The following ZNF451 variants were observed in gnomAD, a reference collection of about 807,000 sequenced individuals.
ZNF451 encodes zinc finger protein 451.
In ZNF451, 80 loss-of-function variants were observed where a neutral mutation model predicts 107.1. The observed-to-expected ratio is 0.75, with a 90% CI of 0.62 to 0.90. ZNF451 has a LOEUF of 0.90. Ranked by LOEUF, ZNF451 falls within the 40% of genes least tolerant of loss-of-function variation. The pLI, the probability that ZNF451 is intolerant of heterozygous loss-of-function variation, is 0.00. For missense variants in ZNF451, 1,107 were observed against 1,236.2 expected, an observed-to-expected ratio of 0.90 and a Z score of 1.57; for synonymous variants, 362 against 406.5, an observed-to-expected ratio of 0.89 and a Z score of 1.32.
At chr6:57,149,098 C>A (rs1306892049) in intron 10 of ZNF451, among the ~76,000 whole-genome samples, 3 of 151,918 alleles carry the variant, frequency 2.0e-5, no homozygotes, top group Non-Finnish European at 4.4e-5. Flanking sequence ...TGGCCATATT[C>A]TTTAGTGTGA....
At chr6:57,139,631 T>A (rs1166493070) in intron 7 of ZNF451, among the ~76,000 whole-genome samples, 1 of 152,190 alleles carries the variant, frequency 6.6e-6, no homozygotes, top group Non-Finnish European at 1.5e-5. Context: ...CAAATATACA[T>A]ACACTTATAA....
intron 3 of ZNF451, among the ~76,000 whole-genome samples, chr6:57,112,958 A>G (rs1003297986): frequency 1.3e-5 from 2 of 152,110 alleles, no homozygotes; most frequent in Non-Finnish European, 2.9e-5. Context: ...TTATAAAATA[A>G]TTTCTTCTAT....
intron 13 of ZNF451, 158 bp downstream of exon 13, chr6:57,154,205 A>G: frequency 1.4e-6 from 1 of 710,424 alleles, no homozygotes; most frequent in Non-Finnish European, 2.3e-6. Context: ...AAAAAATCTC[A>G]CTTTCATTCT....
At chr6:57,138,268 T>TG (rs1235295201) in intron 7 of ZNF451, among the ~76,000 whole-genome samples, 2 of 145,498 alleles carry the variant, frequency 1.4e-5, no homozygotes, top group Non-Finnish European at 3.0e-5. Flanking sequence ...GGTTCTGCCT[T>TG]TTTTTTTTTT....
At chr6:57,168,357 TAAATA>T in intron 14 of ZNF451, 61 bp from the exon 15 acceptor site, 1 of 1,144,072 alleles carries the variant, frequency 8.7e-7, no homozygotes. Context: ...CGATGAAACT[TAAATA>T]AATACAGCAC....
At chr6:57,098,721 A>G (rs900896787) in intron 2 of ZNF451, among the ~76,000 whole-genome samples, 8 of 152,294 alleles carry the variant, frequency 5.3e-5, no homozygotes, top group African/African-American at 1.9e-4. Context: ...ATATATTAAC[A>G]GACTTTTGAT....
At chr6:57,155,559 C>G (rs1162289636) in intron 13 of ZNF451, among the ~76,000 whole-genome samples, 1 of 152,184 alleles carries the variant, frequency 6.6e-6, no homozygotes, top group Non-Finnish European at 1.5e-5. Context: ...ACTTAATATC[C>G]TATAAGATAA....
rs544593154 is a variant in ZNF451 at position 57,124,376 on chromosome 6, G to A, written c.187-358G>A. On this transcript the variant is annotated intron_variant, in intron 3 of 14. Transcript: ENST00000370706. The stretch of plus-strand genomic sequence containing the variant: ...TGGAGGTTCCTGCTAGAAGGTTTCT[G>A]CTTTAGTAAGTCGATGTTCTTTATT... 5.1e-5 allele frequency: 36 copies of A among 708,316 alleles called. 2 individuals carry two copies. Among genetic ancestry groups the A allele is most frequent in the South Asian group, 4.6e-4 (31 of 67,466 alleles). The allele number at this position is 708,316 out of a possible 1,614,324, so 43.9% of individuals were successfully genotyped here. A position where few individuals can be genotyped will look rare whatever the true frequency, so the allele number is the denominator to read the frequency against.
At chr6:57,104,576 C>T in intron 3 of ZNF451, 1 of 985,086 alleles carries the variant, frequency 1.0e-6, no homozygotes, top group Non-Finnish European at 1.2e-6. Flanking sequence ...ATATGCTTCC[C>T]CTTCCCTTTG....
chr6:57,104,298 A>C, intron 3 of ZNF451: 3 of 985,384 alleles, frequency 3.0e-6, no homozygotes, highest in Non-Finnish European at 3.6e-6. Flanking sequence ...TTGGCACTGT[A>C]GTTTTATCTT....
chr6:57,107,725 A>G (rs1829931895), intron 3 of ZNF451: 1 of 985,382 alleles, frequency 1.0e-6, no homozygotes, highest in Non-Finnish European at 1.2e-6. Context: ...AAGAATTCTC[A>G]GGCTGTCTGT....
Position 57,169,041 on chromosome 6 carries a change from G to A in ZNF451, c.*572G>A, listed in dbSNP as rs1764024112. ...TGTTCTTTGTGGGTGCCATGCATAT[G>A]TAAATTATTGCTTTAATTAGAGCAG... On this transcript the variant is annotated 3_prime_UTR_variant, in exon 15 of 15. Coordinates refer to ENST00000370706, the MANE Select transcript of ZNF451 (RefSeq NM_001031623.3). The A allele has an allele frequency of 6.6e-6, 1 of 152,120 alleles. No individual in the cohort carries two copies. The highest frequency in any genetic ancestry group is 1.5e-5 in the Non-Finnish European group (1 of 68,006). The allele number at this position is 152,120 out of a possible 1,614,324, so 9.4% of individuals were successfully genotyped here. A position where few individuals can be genotyped will look rare whatever the true frequency, so the allele number is the denominator to read the frequency against.
chr6:57,114,196 T>C (rs1554298299), intron 3 of ZNF451, among the ~76,000 whole-genome samples: 1 of 152,198 alleles, frequency 6.6e-6, no homozygotes, highest in Non-Finnish European at 1.5e-5. Flanking sequence ...TCTTTGTGAT[T>C]GGAAAAACTA....
intron 3 of ZNF451, chr6:57,102,732 C>T (rs1288359492): frequency 2.0e-6 from 2 of 985,382 alleles, no homozygotes; most frequent in South Asian, 4.7e-5. Context: ...AGTTTGCTTC[C>T]CCTTGGAATG....
At chr6:57,156,421 A>C (rs999760113) in intron 13 of ZNF451, among the ~76,000 whole-genome samples, 1 of 152,200 alleles carries the variant, frequency 6.6e-6, no homozygotes, top group African/African-American at 2.4e-5. Flanking sequence ...GGACTCAATA[A>C]ATCTCTCAAT....
At chr6:57,107,023 T>C in intron 3 of ZNF451, 1 of 951,210 alleles carries the variant, frequency 1.1e-6, no homozygotes, top group Non-Finnish European at 1.3e-6. Flanking sequence ...TATTTTTTAC[T>C]TCTTTGTCTT....
intron 3 of ZNF451, among the ~76,000 whole-genome samples, chr6:57,100,081 A>G (rs902704802): frequency 6.6e-6 from 1 of 152,218 alleles, no homozygotes; most frequent in African/African-American, 2.4e-5. Flanking sequence ...GGACTATACA[A>G]CTGGGAAGTT....
At chr6:57,151,668 T>G (rs1357010716) in intron 11 of ZNF451, among the ~76,000 whole-genome samples, 1 of 152,248 alleles carries the variant, frequency 6.6e-6, no homozygotes, top group Non-Finnish European at 1.5e-5. Context: ...CTTGCTGTTC[T>G]TAAGTGTTCA....
chr6:57,106,010 T>G, intron 3 of ZNF451: 1 of 981,674 alleles, frequency 1.0e-6, no homozygotes, highest in Non-Finnish European at 1.2e-6. Flanking sequence ...TTGGACAGTA[T>G]TTAGTATTCT....
Sources: allele counts gnomAD v4.1 joint callset (sites outside exome capture counted in the v4.1 genomes callset), GRCh38; gene constraint gnomAD v4.1.1; transcripts MANE v1.5; gene names NCBI Gene and HGNC (gene_info 2026-07-23, HGNC 2026-07-21).